Variants in FBXL17 observed in about 807,000 individuals in gnomAD.
FBXL17 encodes F-box/LRR-repeat protein 17.
FBXL17 carries 22 observed loss-of-function variants against 66.2 expected under a neutral mutation model. The ratio of observed to expected loss-of-function variants is 0.33; its 90% confidence interval spans 0.24 to 0.47. The LOEUF is 0.47. FBXL17 is among the 20% of genes least tolerant of loss of function. The pLI, the probability that FBXL17 is intolerant of heterozygous loss-of-function variation, is 1.00. For synonymous variants in FBXL17, 474 were observed against 400.5 expected (o/e 1.18, Z -2.19); for missense variants, 878 against 948.2 (o/e 0.93, Z 0.97).
intron 7 of FBXL17, among the ~76,000 whole-genome samples, chr5:107,885,266 T>C (rs1748924212): frequency 6.6e-6 from 1 of 152,338 alleles, no homozygotes; most frequent in East Asian, 1.9e-4. Flanking sequence ...TTAAAAGCTG[T>C]AGTTCAGTAA....
chr5:108,079,010 T>C (rs1326519484), intron 6 of FBXL17, among the ~76,000 whole-genome samples: 1 of 152,036 alleles, frequency 6.6e-6, no homozygotes, highest in Non-Finnish European at 1.5e-5. Context: ...CCTTGAACGA[T>C]CTAATTTTTT....
At chr5:107,940,979 T>A (rs921053782) in intron 7 of FBXL17, among the ~76,000 whole-genome samples, 1 of 152,128 alleles carries the variant, frequency 6.6e-6, no homozygotes, top group Non-Finnish European at 1.5e-5. Context: ...TGGCTTCTAA[T>A]ATCTAATTTA....
rs1435280524 is a variant in FBXL17, at chr5:108,381,295, A to AGGCGGCAGCGGC, written c.385_396dup (p.Ala129_Ala132dup). On this transcript the variant is annotated inframe_insertion, in exon 1 of 9. Coordinates refer to ENST00000542267, the MANE Select transcript of FBXL17 (RefSeq NM_001163315.3). ...CAGCAGGAGGCGGGCGACGAAGCCG[A>AGGCGGCAGCGGC]GGCGGCAGCGGCGGCGGCGGCGGCG... The AGGCGGCAGCGGC allele has an allele frequency of 8.5e-6, 12 of 1,409,484 alleles. No individual in the cohort carries two copies. The Admixed American group carries it at 9.1e-5, about 11-fold the overall frequency. The allele number at this position is 1,409,484 out of a possible 1,614,324, so 87.3% of individuals were successfully genotyped here. A position where few individuals can be genotyped will look rare whatever the true frequency, so the allele number is the denominator to read the frequency against.
intron 6 of FBXL17, among the ~76,000 whole-genome samples, chr5:108,170,161 A>G (rs1752553874): frequency 6.6e-6 from 1 of 152,212 alleles, no homozygotes; most frequent in African/African-American, 2.4e-5. Context: ...TTATATCAAC[A>G]CCAAAAATAG....
intron 4 of FBXL17, among the ~76,000 whole-genome samples, chr5:108,343,074 G>A (rs1017678941): frequency 1.3e-5 from 2 of 152,168 alleles, no homozygotes; most frequent in Non-Finnish European, 2.9e-5. Context: ...CAGGGAGAAG[G>A]TGTCTATAAA....
At chr5:107,901,550 G>C (rs568370052) in intron 7 of FBXL17, among the ~76,000 whole-genome samples, 1 of 152,252 alleles carries the variant, frequency 6.6e-6, no homozygotes, top group East Asian at 1.9e-4. Flanking sequence ...AAAGGCAACA[G>C]GTGAAGGTGC....
At chr5:108,127,402 T>C (rs1290054046) in intron 6 of FBXL17, among the ~76,000 whole-genome samples, 4 of 152,340 alleles carry the variant, frequency 2.6e-5, no homozygotes, top group East Asian at 1.9e-4. Flanking sequence ...AAGGGGCTTA[T>C]GCATTTTTTA....
intron 8 of FBXL17, among the ~76,000 whole-genome samples, chr5:107,870,923 G>T (rs933615353): frequency 6.6e-6 from 1 of 151,752 alleles, no homozygotes; most frequent in Non-Finnish European, 1.5e-5. Flanking sequence ...GCCTAAAAGC[G>T]ACCTGCTAAA....
intron 3 of FBXL17, among the ~76,000 whole-genome samples, chr5:108,362,305 G>A (rs1056302419): frequency 6.6e-6 from 1 of 152,140 alleles, no homozygotes; most frequent in African/African-American, 2.4e-5. Flanking sequence ...CCATGAGCTG[G>A]AGTGTTAAAC....
chr5:108,208,424 C>G (rs1297990718), intron 5 of FBXL17, among the ~76,000 whole-genome samples: 4 of 152,152 alleles, frequency 2.6e-5, no homozygotes, highest in African/African-American at 9.7e-5. Flanking sequence ...AGGTTTTCCT[C>G]TAGGATTTTT....
At chr5:108,307,951 A>C (rs1269400994) in intron 4 of FBXL17, among the ~76,000 whole-genome samples, 1 of 152,140 alleles carries the variant, frequency 6.6e-6, no homozygotes, top group Non-Finnish European at 1.5e-5. Flanking sequence ...ACTTCATTTA[A>C]GTAGTGTGTA....
intron 4 of FBXL17, chr5:108,299,365 A>T: frequency 1.0e-6 from 1 of 984,504 alleles, no homozygotes; most frequent in Non-Finnish European, 1.2e-6. Flanking sequence ...TACATAGTAC[A>T]GTTTTCAAAC....
intron 7 of FBXL17, among the ~76,000 whole-genome samples, chr5:107,970,857 G>C (rs1436599667): frequency 6.6e-6 from 1 of 152,124 alleles, no homozygotes; most frequent in Non-Finnish European, 1.5e-5. Flanking sequence ...CCCCGTGTTA[G>C]AAAAGCCCAG....
At chr5:108,011,032 C>A (rs920299311) in intron 7 of FBXL17, among the ~76,000 whole-genome samples, 1 of 152,076 alleles carries the variant, frequency 6.6e-6, no homozygotes, top group Non-Finnish European at 1.5e-5. Context: ...TTAGTGGATA[C>A]AAGAATGTGA....
intron 2 of FBXL17, among the ~76,000 whole-genome samples, chr5:108,366,838 T>C (rs1748698792): frequency 6.6e-6 from 1 of 152,088 alleles, no homozygotes; most frequent in Non-Finnish European, 1.5e-5. Flanking sequence ...ACACAAATCC[T>C]CGTGAGCTTG....
At chr5:108,049,504 G>C (rs1319278808) in intron 6 of FBXL17, among the ~76,000 whole-genome samples, 1 of 152,026 alleles carries the variant, frequency 6.6e-6, no homozygotes, top group Non-Finnish European at 1.5e-5. Context: ...ATAAGTGAAG[G>C]ATAAATAATA....
chr5:108,277,990 C>T (rs568448929), intron 4 of FBXL17, among the ~76,000 whole-genome samples: 1 of 111,178 alleles, frequency 9.0e-6, no homozygotes, highest in African/African-American at 3.6e-5. Context: ...ACTGTGAATA[C>T]ATGCCTAAGA....
chr5:108,306,276 T>C (rs1004640637), intron 4 of FBXL17, among the ~76,000 whole-genome samples: 1 of 152,106 alleles, frequency 6.6e-6, no homozygotes, highest in Admixed American at 6.6e-5. Flanking sequence ...ATGCTGTGAA[T>C]GAGAAACGCT....
chr5:108,225,058 C>G (rs367835782), intron 4 of FBXL17, among the ~76,000 whole-genome samples: 5 of 152,180 alleles, frequency 3.3e-5, no homozygotes, highest in Admixed American at 6.5e-5. Flanking sequence ...TCACCACCCC[C>G]CAAAGACCCC....
Sources: allele counts gnomAD v4.1 joint callset (sites outside exome capture counted in the v4.1 genomes callset), GRCh38; gene constraint gnomAD v4.1.1; transcripts MANE v1.5; gene names NCBI Gene and HGNC (gene_info 2026-07-23, HGNC 2026-07-21).